Variants in FGF13 observed in about 807,000 individuals in gnomAD.
FGF13 encodes the protein fibroblast growth factor 13.
Under a neutral mutation model 19.5 loss-of-function variants are expected in FGF13, and 2 were observed. The observed-to-expected ratio is 0.10, with a 90% CI of 0.04 to 0.32. The LOEUF (loss-of-function observed/expected upper bound fraction) is 0.32, where lower values mean the gene tolerates loss of function less well. FGF13 is among the 10% of genes least tolerant of loss of function. The pLI is 1.00. For synonymous variants in FGF13, 72 were observed against 76.9 expected, an observed-to-expected ratio of 0.94 and a Z score of 0.33; for missense variants, 113 against 192.7, an observed-to-expected ratio of 0.59 and a Z score of 2.45.
intron 3 of FGF13, among the ~76,000 whole-genome samples, chrX:138,781,040 A>C (rs912870270): frequency 2.7e-5 from 3 of 111,416 alleles, no homozygotes; most frequent in African/African-American, 9.8e-5. Flanking sequence ...CTACATGGAA[A>C]CTGAACAACC....
intron 1 of FGF13, among the ~76,000 whole-genome samples, chrX:139,113,244 A>G (rs1314254122): frequency 2.7e-5 from 3 of 109,869 alleles, no homozygotes; most frequent in East Asian, 2.9e-4. Context: ...TCAACCCATC[A>G]TCTGTCTCTC....
At chrX:138,704,161 A>G (rs1228274795) in intron 2 of FGF13, among the ~76,000 whole-genome samples, 1 of 111,975 alleles carries the variant, frequency 8.9e-6, no homozygotes, top group African/African-American at 3.3e-5. Context: ...TTATTATTTT[A>G]GCAAAATAGT....
intron 1 of FGF13, among the ~76,000 whole-genome samples, chrX:139,133,679 T>G (rs910446750): frequency 9.0e-6 from 1 of 111,373 alleles, no homozygotes; most frequent in Non-Finnish European, 1.9e-5. Context: ...CCAAGTTTCC[T>G]CTTGGCCACA....
intron 1 of FGF13, among the ~76,000 whole-genome samples, chrX:138,872,822 C>G (rs1466275189): frequency 2.7e-5 from 3 of 111,389 alleles, no homozygotes; most frequent in African/African-American, 9.8e-5. Flanking sequence ...TGGGAGTCAG[C>G]TCACTGGAGA....
chrX:139,106,945 C>T (rs773698635), intron 1 of FGF13, among the ~76,000 whole-genome samples: 39 of 112,084 alleles, frequency 3.5e-4, no homozygotes, highest in African/African-American at 1.2e-3. Context: ...ATGAGGAAAG[C>T]GAGCCTCCGG....
chrX:139,141,627 A>G (rs947128339), intron 1 of FGF13, among the ~76,000 whole-genome samples: 4 of 111,643 alleles, frequency 3.6e-5, no homozygotes, highest in Non-Finnish European at 7.5e-5. Context: ...CCTTCTCATC[A>G]TATAATGACC....
chrX:138,733,916 G>T (rs1768358498), intron 1 of FGF13, among the ~76,000 whole-genome samples: 1 of 111,025 alleles, frequency 9.0e-6, no homozygotes, highest in African/African-American at 3.3e-5. Context: ...TTTGTCTTTG[G>T]ACTGTTTTCC....
chrX:139,198,154 T>C (rs1243441516), intron 1 of FGF13, among the ~76,000 whole-genome samples: 5 of 111,256 alleles, frequency 4.5e-5, no homozygotes, highest in Middle Eastern at 4.2e-3. Context: ...TCAAAAATCA[T>C]TGAGATGCAC....
At chrX:138,779,141 C>T (rs2124354528) in intron 3 of FGF13, among the ~76,000 whole-genome samples, 1 of 110,748 alleles carries the variant, frequency 9.0e-6, no homozygotes, top group East Asian at 2.9e-4. Context: ...ACAGAAAGGA[C>T]ATCCACACCA....
At chrX:138,920,826 G>A (rs2091640859) in intron 1 of FGF13, among the ~76,000 whole-genome samples, 1 of 111,583 alleles carries the variant, frequency 9.0e-6, no homozygotes, top group Non-Finnish European at 1.9e-5. Flanking sequence ...GGTTTCAACA[G>A]TTCTTGGCAA....
chrX:139,045,863 G>C (rs766437072), intron 1 of FGF13, among the ~76,000 whole-genome samples: 1 of 111,388 alleles, frequency 9.0e-6, no homozygotes, highest in Non-Finnish European at 1.9e-5. Flanking sequence ...AACCAGTCTC[G>C]AGGAAGTTCC....
chrX:138,986,781 A>G (rs1193872726), intron 1 of FGF13, among the ~76,000 whole-genome samples: 1 of 111,794 alleles, frequency 8.9e-6, no homozygotes, highest in Admixed American at 9.5e-5. Context: ...TTTCCCATTG[A>G]ATCCATTTTA....
At chrX:138,811,655 T>C (rs988698745) in intron 3 of FGF13, among the ~76,000 whole-genome samples, 2 of 111,102 alleles carry the variant, frequency 1.8e-5, no homozygotes, top group African/African-American at 6.5e-5. Flanking sequence ...GGGGCTCTTT[T>C]AAGATAGACA....
chrX:138,721,320 G>C (rs930179664), intron 1 of FGF13, among the ~76,000 whole-genome samples: 3 of 111,629 alleles, frequency 2.7e-5, no homozygotes, highest in Non-Finnish European at 5.7e-5. Context: ...CATCTATATA[G>C]ATTTCAGTAT....
intron 1 of FGF13, among the ~76,000 whole-genome samples, chrX:138,923,874 T>C (rs981668490): frequency 8.9e-6 from 1 of 111,901 alleles, no homozygotes; most frequent in Non-Finnish European, 1.9e-5. Flanking sequence ...CAAATGCTTA[T>C]TCCTTTATTT....
At chrX:138,710,709 T>C in intron 1 of FGF13, 108 bp downstream of exon 1, 13 of 1,133,675 alleles carry the variant, frequency 1.1e-5, no homozygotes, top group Non-Finnish European at 1.5e-5. Flanking sequence ...TGGCCTCTTC[T>C]GCACAAGATG....
intron 3 of FGF13, among the ~76,000 whole-genome samples, chrX:138,756,572 C>A (rs1283976810): frequency 8.9e-6 from 1 of 112,511 alleles, no homozygotes; most frequent in Non-Finnish European, 1.9e-5. Flanking sequence ...AAGCAAGGAC[C>A]CTTGCCAGTG....
At chrX:138,749,283 C>T (rs1293991886) in intron 3 of FGF13, among the ~76,000 whole-genome samples, 1 of 106,932 alleles carries the variant, frequency 9.4e-6, no homozygotes, top group East Asian at 3.0e-4. Flanking sequence ...AAGCCTCTGG[C>T]CTAAATGAGC....
At chrX:138,676,266 T>C (rs928654014) in intron 3 of FGF13, among the ~76,000 whole-genome samples, 15 of 110,954 alleles carry the variant, frequency 1.4e-4, no homozygotes, top group African/African-American at 4.9e-4. Flanking sequence ...AGCTACCTCA[T>C]GCCTGGCCCC....
Sources: allele counts gnomAD v4.1 joint callset (sites outside exome capture counted in the v4.1 genomes callset), GRCh38; gene constraint gnomAD v4.1.1; transcripts MANE v1.5; gene names NCBI Gene and HGNC (gene_info 2026-07-23, HGNC 2026-07-21).